Variants in MSI2 observed in about 807,000 individuals in gnomAD.
MSI2 encodes the protein musashi RNA binding protein 2, also known as RNA-binding protein Musashi homolog 2.
In MSI2, 17 loss-of-function variants were observed where a neutral mutation model predicts 45.6. The ratio of observed to expected loss-of-function variants is 0.37; its 90% CI spans 0.26 to 0.56. MSI2 has a LOEUF of 0.56. Among genes scored for constraint, MSI2 ranks in the 20% least tolerant of loss-of-function variants. The probability of loss-of-function intolerance (pLI) is 0.77; values close to 1 mark genes in which losing one functional copy is unlikely to be tolerated. For missense variants in MSI2, 293 were observed against 444.2 expected, an observed-to-expected ratio of 0.66 and a Z score of 3.06; for synonymous variants, 156 against 158.2, an observed-to-expected ratio of 0.99 and a Z score of 0.11.
chr17:57,500,790 CAAA>C (rs58479533), intron 6 of MSI2, among the ~76,000 whole-genome samples: 25 of 107,082 alleles, frequency 2.3e-4, no homozygotes, highest in Admixed American at 1.9e-4. Flanking sequence ...CTGTCTCTAC[CAAA>C]AAAAAAAAAA....
intron 1 of MSI2, 64 bp downstream of exon 1, chr17:57,256,868 G>A: frequency 6.2e-6 from 8 of 1,289,506 alleles, no homozygotes; most frequent in Non-Finnish European, 8.2e-6. Flanking sequence ...CGGCGGGGAC[G>A]GCGGTGCGCG....
chr17:57,633,886 T>G (rs1567950739), intron 10 of MSI2, among the ~76,000 whole-genome samples: 3 of 152,344 alleles, frequency 2.0e-5, no homozygotes, highest in South Asian at 4.1e-4. Flanking sequence ...TTTTCCCATT[T>G]TTATCCCCCA....
At chr17:57,504,729 G>T (rs763606408) in intron 6 of MSI2, among the ~76,000 whole-genome samples, 4 of 152,096 alleles carry the variant, frequency 2.6e-5, no homozygotes, top group African/African-American at 9.7e-5. Context: ...TCGGGAGTTC[G>T]AGACCAGCCT....
At chr17:57,635,960 G>A (rs537512272) in intron 10 of MSI2, among the ~76,000 whole-genome samples, 7 of 152,266 alleles carry the variant, frequency 4.6e-5, no homozygotes, top group South Asian at 2.1e-4. Context: ...GTTCTTCGGC[G>A]CCAGGTGATT....
At position 57,552,559 on chromosome 17, in the gene MSI2, T is replaced by C. The variant is rs2087332447; in HGVS notation, c.454+22835T>C. On this transcript the variant is annotated intron_variant, in intron 7 of 13. Coordinates refer to ENST00000284073, the MANE Select transcript of MSI2 (RefSeq NM_138962.4). The surrounding 1 kb of genome is among the most constrained non-coding windows in gnomAD (Gnocchi z 4.3). ...GGCTTTCTTGATCTCTGAGTGTCTT[T>C]TTTAATCCCTATTGCCCAGCAACGG... Among the ~76,000 whole-genome samples, 2 of 152,210 alleles carry C rather than the reference T, an allele frequency of 1.3e-5. No homozygotes were observed. The highest frequency in any genetic ancestry group is 2.9e-5 in the Non-Finnish European group (2 of 68,036).
chr17:57,260,144 T>A (rs1480629943), intron 4 of MSI2: 5 of 152,332 alleles, frequency 3.3e-5, no homozygotes, highest in African/African-American at 1.2e-4. Flanking sequence ...AACTAACTAA[T>A]GTTTTAATTT....
At chr17:57,323,018 G>C (rs190944105) in intron 5 of MSI2, among the ~76,000 whole-genome samples, 4 of 152,138 alleles carry the variant, frequency 2.6e-5, no homozygotes, top group South Asian at 2.1e-4. Flanking sequence ...GCATATTGGT[G>C]GGGGGAGAGG....
chr17:57,680,775 G>GGGGGGGGGGGGCC lies in MSI2; in HGVS notation c.*1258_*1259insGGGGGGGGGGGCC. On this transcript the variant is annotated 3_prime_UTR_variant, in exon 14 of 14. Transcript: ENST00000284073. Reference sequence around the variant, plus strand: ...GCTTGGGTGGGGGTGGGGTGGGGGGGACATTCTTTTTCAGTCTTAATTTTT... The same window carrying GGGGGGGGGGGGCC: ...GCTTGGGTGGGGGTGGGGTGGGGGGGGGGGGGGGGGGCCACATTCTTTTTCAGTCTTAATTTTT... The GGGGGGGGGGGGCC allele has an allele frequency of 6.5e-6, 1 of 152,790 alleles. No individual in the cohort carries two copies. The highest frequency in any genetic ancestry group is 1.4e-5 in the Non-Finnish European group (1 of 71,474). 9.5% of individuals were successfully genotyped at this position (152,790 alleles called of 1,614,324 possible).
At chr17:57,459,162 T>G (rs2085174741) in intron 6 of MSI2, among the ~76,000 whole-genome samples, 1 of 152,132 alleles carries the variant, frequency 6.6e-6, no homozygotes, top group Non-Finnish European at 1.5e-5. Flanking sequence ...ATTTGTGGTG[T>G]TTTGGAACCT....
intron 6 of MSI2, among the ~76,000 whole-genome samples, chr17:57,502,342 A>C (rs1481261104): frequency 6.6e-6 from 1 of 151,870 alleles, no homozygotes; most frequent in African/African-American, 2.4e-5. Context: ...GTTGGGTTTA[A>C]ATCCAGGTTC....
chr17:57,682,313 T>C lies in MSI2; in HGVS notation c.*2796T>C, dbSNP rs1216149964. 5.7e-6 allele frequency: 1 copy of C among 174,464 alleles called. No individual in the cohort carries two copies. The highest frequency in any genetic ancestry group is 1.2e-5 in the Non-Finnish European group (1 of 85,326). The allele number at this position is 174,464 out of a possible 1,614,324, so 10.8% of individuals were successfully genotyped here. The stretch of plus-strand genomic sequence containing the variant: ...TGCCGGCGGACTCTACGGCGTTTTG[T>C]AGATCCCCCCCCCCCCACCCACTGT... On this transcript the variant is annotated 3_prime_UTR_variant, in exon 14 of 14. Transcript: ENST00000284073.
chr17:57,661,858 A>G (rs1313338309), intron 11 of MSI2, among the ~76,000 whole-genome samples: 1 of 151,994 alleles, frequency 6.6e-6, no homozygotes, highest in Non-Finnish European at 1.5e-5. Flanking sequence ...AGAAAGCCAT[A>G]CCTGATTCAC....
intron 5 of MSI2, among the ~76,000 whole-genome samples, chr17:57,268,927 C>T (rs981939708): frequency 4.6e-5 from 7 of 152,078 alleles, no homozygotes; most frequent in Admixed American, 6.5e-5. Context: ...TTAGGTAGAG[C>T]GAATGAAAAA....
chr17:57,698,727 AT>A, the MSI2 span, among the ~76,000 whole-genome samples: 2 of 152,082 alleles, frequency 1.3e-5, no homozygotes, highest in Non-Finnish European at 2.9e-5. Flanking sequence ...CTTTTCATGT[AT>A]TCATTTGAAT....
At chr17:57,257,788 C>T (rs1220816084) in intron 3 of MSI2, among the ~76,000 whole-genome samples, 2 of 151,756 alleles carry the variant, frequency 1.3e-5, no homozygotes, top group Non-Finnish European at 1.5e-5. Context: ...TTTCCCGTCG[C>T]TTCTTTTTCT....
At chr17:57,661,755 C>T (rs987135248) in intron 11 of MSI2, among the ~76,000 whole-genome samples, 1 of 152,122 alleles carries the variant, frequency 6.6e-6, no homozygotes, top group Non-Finnish European at 1.5e-5. Context: ...ATTCCTTTGC[C>T]CTTGAGGTGG....
At chr17:57,347,842 G>A (rs1365217668) in intron 5 of MSI2, among the ~76,000 whole-genome samples, 3 of 152,296 alleles carry the variant, frequency 2.0e-5, no homozygotes, top group East Asian at 1.9e-4. Flanking sequence ...GGGTTTCCAC[G>A]TATCTGACCA....
chr17:57,486,029 C>T (rs2143776641), intron 6 of MSI2, among the ~76,000 whole-genome samples: 2 of 152,350 alleles, frequency 1.3e-5, no homozygotes, highest in East Asian at 3.9e-4. Flanking sequence ...TTTCGCCAAC[C>T]AGGCTCATTC....
At chr17:57,555,568 G>C (rs1370850394) in intron 7 of MSI2, among the ~76,000 whole-genome samples, 1 of 152,106 alleles carries the variant, frequency 6.6e-6, no homozygotes, top group East Asian at 1.9e-4. Flanking sequence ...ATAAACTCCT[G>C]AGGGTCCTCA....
Sources: allele counts gnomAD v4.1 joint callset (sites outside exome capture counted in the v4.1 genomes callset), GRCh38; gene constraint gnomAD v4.1.1; non-coding constraint Gnocchi (gnomAD v3.1); transcripts MANE v1.5; gene names NCBI Gene and HGNC (gene_info 2026-07-23, HGNC 2026-07-21).